The following KMT5B variants were observed in gnomAD, a reference collection of about 807,000 sequenced individuals.
The protein encoded by KMT5B is lysine methyltransferase 5B.
Under a neutral mutation model 83.2 loss-of-function variants are expected in KMT5B, and 10 were observed. The ratio of observed to expected loss-of-function variants is 0.12; its 90% CI spans 0.07 to 0.20. The LOEUF (loss-of-function observed/expected upper bound fraction) is 0.20, where lower values mean the gene tolerates loss of function less well. Among genes scored for constraint, KMT5B ranks in the 10% least tolerant of loss-of-function variants. KMT5B has a pLI of 1.00. For synonymous variants in KMT5B, 349 were observed against 388.8 expected (o/e 0.90, Z 1.20); for missense variants, 753 against 1,067.2 (o/e 0.71, Z 4.10).
rs140135686 is a variant in KMT5B at position 68,171,667 on chromosome 11, G to C, written c.696C>G (p.Ala232=). 2.1e-4 allele frequency: 339 copies of C among 1,613,552 alleles called. 1 individual carries two copies. The highest frequency in any genetic ancestry group is 3.3e-4 in the Middle Eastern group (2 of 6,062). The change falls in exon 7 of 11, where the codon GCC becomes GCG. Residue 232 remains alanine (A), a synonymous_variant. Coordinates refer to ENST00000304363, the MANE Select transcript of KMT5B (RefSeq NM_017635.5). The surrounding 1 kb of genome is among the most constrained non-coding windows in gnomAD (Gnocchi z 5.1). ...DKIELLVGCI[A]ELSEIEENML... The stretch of plus-strand genomic sequence containing the variant: ...TGTTCTCCTCAATTTCTGAAAGTTC[G>C]GCAATACAACCCACCAGTAATTCTA...
chr11:68,188,830 C>T (rs947643387), intron 2 of KMT5B, among the ~76,000 whole-genome samples: 4 of 152,176 alleles, frequency 2.6e-5, no homozygotes, highest in Non-Finnish European at 5.9e-5. Flanking sequence ...CAATTCTTCA[C>T]GTTCACACTA....
At chr11:68,169,827 C>G (rs1216398645) in intron 9 of KMT5B, among the ~76,000 whole-genome samples, 1 of 152,218 alleles carries the variant, frequency 6.6e-6, no homozygotes, top group East Asian at 1.9e-4. Flanking sequence ...AAAGGGTATT[C>G]TCTGGACTGG....
At chr11:68,191,372 C>G (rs769625198) in intron 1 of KMT5B, among the ~76,000 whole-genome samples, 2 of 151,122 alleles carry the variant, frequency 1.3e-5, no homozygotes. Flanking sequence ...CTTGCTCTGT[C>G]GCCCCGGCTA....
intron 4 of KMT5B, among the ~76,000 whole-genome samples, chr11:68,175,614 A>T (rs1856288070): frequency 6.6e-6 from 1 of 152,232 alleles, no homozygotes; most frequent in African/African-American, 2.4e-5. Flanking sequence ...AGTTAGAATG[A>T]CAAGAATCTT....
Position 68,175,144 on chromosome 11 carries a change from T to C in KMT5B, c.417A>G (p.Glu139=), listed in dbSNP as rs764645910. ...PIKGRQEELK[E]VIERFKKDEH... ...CATCTTTCTTAAAACGTTCAATTAC[T>C]TCCTTTAGTTCTTCCTGCCTTCCTT... The change falls in exon 5 of 11, where the codon GAA becomes GAG. Residue 139 remains glutamate, a synonymous_variant. Coordinates refer to ENST00000304363, the MANE Select transcript of KMT5B (RefSeq NM_017635.5). The C allele has an allele frequency of 3.1e-6, 5 of 1,613,678 alleles. No homozygotes were observed. The African/African-American group carries it at 6.7e-5, about 22-fold the overall frequency.
chr11:68,211,253 C>G (rs1429769948), intron 1 of KMT5B, among the ~76,000 whole-genome samples: 1 of 152,156 alleles, frequency 6.6e-6, no homozygotes, highest in African/African-American at 2.4e-5. Flanking sequence ...CTCCATCCAC[C>G]TCCACCTTCC....
chr11:68,179,897 T>G (rs986616422), intron 4 of KMT5B: 1 of 490,786 alleles, frequency 2.0e-6, no homozygotes, highest in South Asian at 2.6e-5. Context: ...GCTAATCACA[T>G]GGAGTGACTC....
At chr11:68,200,479 T>C (rs965321223) in intron 1 of KMT5B, among the ~76,000 whole-genome samples, 5 of 152,224 alleles carry the variant, frequency 3.3e-5, no homozygotes, top group Non-Finnish European at 2.9e-5. Flanking sequence ...ATGGACACAA[T>C]GTCTTAAAAC....
At chr11:68,195,772 C>T (rs1426761248) in intron 1 of KMT5B, among the ~76,000 whole-genome samples, 2 of 152,056 alleles carry the variant, frequency 1.3e-5, no homozygotes, top group African/African-American at 4.8e-5. Context: ...AATGAAAGAA[C>T]ACAGAGCAGA....
At chr11:68,213,395 G>GCCGTCGCGC (rs1173369628), upstream of KMT5B, 9 of 137,536 alleles carry the variant, frequency 6.5e-5, no homozygotes, top group Admixed American at 3.5e-4. Context: ...CGCCGCCGCC[G>GCCGTCGCGC]CCGTCGCGCC....
chr11:68,177,873 T>C (rs1179556858), intron 4 of KMT5B, among the ~76,000 whole-genome samples: 1 of 152,168 alleles, frequency 6.6e-6, no homozygotes, highest in African/African-American at 2.4e-5. Context: ...CTTGTAGCCA[T>C]CACAATTGAT....
At position 68,170,494 on chromosome 11, in the gene KMT5B, T is replaced by A. The variant is rs147110563; in HGVS notation, c.977+521A>T. On this transcript the variant is annotated intron_variant, in intron 9 of 10. Transcript: ENST00000304363. Reference sequence around the variant, plus strand: ...TATAATGAGCAATATGAACTGGTGGTCCTGCCAATGAAGATCTGGGGGATT... The same window carrying A: ...TATAATGAGCAATATGAACTGGTGGACCTGCCAATGAAGATCTGGGGGATT... Among the ~76,000 whole-genome samples, 799 of 152,256 alleles carry A rather than the reference T, an allele frequency of 5.2e-3. 5 individuals carry two copies. The highest frequency in any genetic ancestry group is 8.6e-3 in the Non-Finnish European group (588 of 68,026).
chr11:68,168,631 G>C lies in KMT5B; in HGVS notation c.978-1453C>G, dbSNP rs555754845. 4.6e-5 allele frequency among the ~76,000 whole-genome samples: 7 copies of C among 152,284 alleles called. No individual in the cohort carries two copies. The South Asian group carries it at 1.4e-3, about 32-fold the overall frequency. On this transcript the variant is annotated intron_variant, in intron 9 of 10. Transcript: ENST00000304363. ...GATTATAGGCGTGAGTCACACGTGC[G>C]TGGCCTTTGCTTTAAATTTTCTAGA...
intron 1 of KMT5B, among the ~76,000 whole-genome samples, chr11:68,198,753 G>A (rs983703470): frequency 2.0e-5 from 3 of 151,514 alleles, no homozygotes; most frequent in Admixed American, 6.6e-5. Flanking sequence ...TTTTTGAGAC[G>A]GAGTCTCGCT....
intron 1 of KMT5B, among the ~76,000 whole-genome samples, chr11:68,201,107 T>C (rs535397892): frequency 2.0e-5 from 3 of 152,204 alleles, no homozygotes; most frequent in Non-Finnish European, 2.9e-5. Context: ...ATTTCAAGAA[T>C]GATTTCCAGT....
intron 1 of KMT5B, among the ~76,000 whole-genome samples, chr11:68,203,420 T>C (rs1395514193): frequency 1.3e-5 from 2 of 152,232 alleles, no homozygotes; most frequent in Non-Finnish European, 2.9e-5. Context: ...ACAAAAGGAC[T>C]TGACATCAAA....
chr11:68,187,994 G>C (rs568749168), intron 2 of KMT5B, among the ~76,000 whole-genome samples: 1 of 151,170 alleles, frequency 6.6e-6, no homozygotes, highest in South Asian at 2.1e-4. Flanking sequence ...GCTTGGTAAA[G>C]TGTAACCAAA....
rs187130406 is a variant in KMT5B, at chr11:68,183,274, G to C, written c.308+2507C>G. 4.4e-4 allele frequency among the ~76,000 whole-genome samples: 67 copies of C among 150,894 alleles called. No individual in the cohort carries two copies. In the East Asian group the frequency reaches 0.011, roughly 25 times the overall value. The stretch of plus-strand genomic sequence containing the variant: ...TGCTACAGGGTGACAAATATTATCA[G>C]CATCTTCTAGGAGAATGAGCACTGG... On this transcript the variant is annotated intron_variant, in intron 3 of 10. Transcript: ENST00000304363.
chr11:68,192,177 C>T (rs1469830268), intron 1 of KMT5B, among the ~76,000 whole-genome samples: 1 of 152,172 alleles, frequency 6.6e-6, no homozygotes, highest in African/African-American at 2.4e-5. Context: ...TAGAATGTGT[C>T]CGAGACACAC....
Sources: gnomAD v4.1 joint callset for allele counts (sites outside exome capture counted in the v4.1 genomes callset) on GRCh38, gnomAD v4.1.1 for gene constraint, Gnocchi (gnomAD v3.1) non-coding constraint, MANE v1.5 for transcripts, NCBI Gene and HGNC (gene_info 2026-07-23, HGNC 2026-07-21) for gene names.